The following SYNE2 variants were observed in gnomAD, a reference collection of about 807,000 sequenced individuals.
The protein encoded by SYNE2 is spectrin repeat containing nuclear envelope protein 2.
A neutral mutation model predicts 856.3 loss-of-function variants in SYNE2; 431 were observed. The ratio of observed to expected loss-of-function variants is 0.50; its 90% CI spans 0.47 to 0.55. The LOEUF (loss-of-function observed/expected upper bound fraction) is 0.55. Ranked by LOEUF, SYNE2 falls within the 20% of genes least tolerant of loss-of-function variation. SYNE2 has a pLI of 0.00. For synonymous variants in SYNE2, 2,923 were observed against 2,872.3 expected, an observed-to-expected ratio of 1.02 and a Z score of -0.56; for missense variants, 8,129 against 8,023.2, an observed-to-expected ratio of 1.01 and a Z score of -0.50.
intron 77 of SYNE2, 97 bp downstream of exon 77, chr14:64,132,535 C>T: frequency 6.7e-7 from 1 of 1,489,258 alleles, no homozygotes; most frequent in Non-Finnish European, 9.3e-7. Flanking sequence ...TATCATTAAG[C>T]TATAGTTAAA....
Position 63,991,221 on chromosome 14 carries a change from A to C in SYNE2, c.2646+106A>C. The C allele has an allele frequency of 2.6e-6, 3 of 1,145,622 alleles. No individual in the cohort carries two copies. In the South Asian group the frequency reaches 4.1e-5, roughly 16 times the overall value. The allele number at this position is 1,145,622 out of a possible 1,614,324, so 71.0% of individuals were successfully genotyped here. A position where few individuals can be genotyped will look rare whatever the true frequency, so the allele number is the denominator to read the frequency against. On this transcript the variant is annotated intron_variant, in intron 21 of 115. Transcript: ENST00000555002. ...TGTAATTATATACTGAGTTACTGTA[A>C]CTTAAAAAGAATTTCCCAGTATTCT...
chr14:63,812,239 C>T (rs1359754860), intron 1 of SYNE2, among the ~76,000 whole-genome samples: 1 of 152,094 alleles, frequency 6.6e-6, no homozygotes, highest in Non-Finnish European at 1.5e-5. Context: ...ATTAATATTC[C>T]TTGCTAGGAA....
intron 57 of SYNE2, among the ~76,000 whole-genome samples, chr14:64,085,410 G>GGT (rs2097553752): frequency 6.6e-6 from 1 of 152,160 alleles, no homozygotes; most frequent in African/African-American, 2.4e-5. Context: ...AATACCAGGA[G>GGT]GTAGGGGTCA....
At position 63,940,524 on chromosome 14, in the gene SYNE2, C is replaced by T. The variant is rs567049063; in HGVS notation, c.80-90C>T. 7.0e-5 allele frequency: 82 copies of T among 1,171,002 alleles called. No homozygotes were observed. In the African/African-American group the frequency reaches 1.1e-3, roughly 16 times the overall value. 72.5% of individuals were successfully genotyped at this position (1,171,002 alleles called of 1,614,324 possible). On this transcript the variant is annotated intron_variant, in intron 2 of 115. Transcript: ENST00000555002. ...TGTAAGCTTGTGAAACAGGCACACA[C>T]CTAGCGTGACAGACCTTTGAAGCTC...
chr14:64,220,962 A>C (rs2098691529), intron 111 of SYNE2, among the ~76,000 whole-genome samples: 1 of 152,188 alleles, frequency 6.6e-6, no homozygotes, highest in Admixed American at 6.5e-5. Context: ...CTGGCCTTGA[A>C]GCAGAGGAGC....
At chr14:64,161,889 A>T (rs2098332900) in intron 87 of SYNE2, among the ~76,000 whole-genome samples, 183 bp from the exon 88 acceptor site, 1 of 152,214 alleles carries the variant, frequency 6.6e-6, no homozygotes, top group South Asian at 2.1e-4. Context: ...TAAATAGCCT[A>T]ATTTGGATTT....
At chr14:64,035,515 ATTT>A (rs35030710) in intron 45 of SYNE2, among the ~76,000 whole-genome samples, 4 of 121,690 alleles carry the variant, frequency 3.3e-5, no homozygotes, top group African/African-American at 6.2e-5. Flanking sequence ...TACATGGTAC[ATTT>A]TTTTTTTTTT....
intron 96 of SYNE2, among the ~76,000 whole-genome samples, chr14:64,184,150 T>G (rs767925798): frequency 5.9e-5 from 9 of 152,174 alleles, no homozygotes; most frequent in Non-Finnish European, 1.2e-4. Context: ...TTTAAAGCTC[T>G]CGAGACATAC....
chr14:64,167,169 G>GT lies in SYNE2; in HGVS notation c.16606-58dup, dbSNP rs570252318. The GT allele has an allele frequency of 4.7e-5, 75 of 1,608,604 alleles. No homozygotes were observed. The South Asian group carries it at 7.4e-4, about 16-fold the overall frequency. The stretch of plus-strand genomic sequence containing the variant: ...TTCCTTTATCTTTGAGGTAAGGAGG[G>GT]TTTTTTGTCATCTAGATATCTTATT... On this transcript the variant is annotated intron_variant, in intron 90 of 115. Transcript: ENST00000555002.
At position 64,216,213 on chromosome 14, in the gene SYNE2, G is replaced by A. The variant is rs17766588; in HGVS notation, c.19403-35G>A. 2.1e-3 allele frequency: 3,325 copies of A among 1,613,430 alleles called. 7 individuals carry two copies. Among genetic ancestry groups the A allele is most frequent in the Non-Finnish European group, 2.7e-3 (3,139 of 1,180,034 alleles). ...GTCACCCGTGACCCGTTCAGTAGGAGAGAATAGACTGTCGCTTGCTGTCTT... is the reference window on the plus strand; with the variant it reads ...GTCACCCGTGACCCGTTCAGTAGGAAAGAATAGACTGTCGCTTGCTGTCTT... On this transcript the variant is annotated intron_variant, in intron 107 of 115. Coordinates refer to ENST00000555002, the MANE Select transcript of SYNE2 (RefSeq NM_182914.3).
intron 1 of SYNE2, among the ~76,000 whole-genome samples, chr14:63,876,639 C>G (rs558144784): frequency 6.6e-6 from 1 of 152,100 alleles, no homozygotes; most frequent in South Asian, 2.1e-4. Flanking sequence ...AGGCGCCCAC[C>G]ACCACGCCCG....
chr14:63,897,719 G>A (rs2153305341), intron 1 of SYNE2, among the ~76,000 whole-genome samples: 1 of 152,222 alleles, frequency 6.6e-6, no homozygotes, highest in South Asian at 2.1e-4. Flanking sequence ...TCTTTGGTTG[G>A]TTGGTTTGTG....
At chr14:64,105,106 T>C (rs1242744858) in intron 64 of SYNE2, among the ~76,000 whole-genome samples, 1 of 152,190 alleles carries the variant, frequency 6.6e-6, no homozygotes, top group East Asian at 1.9e-4. Context: ...TCTCCTCCCA[T>C]TATTTTTGCC....
Position 63,949,850 on chromosome 14 carries a change from C to A in SYNE2, c.434C>A (p.Ser145Tyr). ...ATTGAGAAGCTTGCCCAGACTCTTT[C>A]TTGCAATTACAATCAGCCTTCCCTG... is the stretch of plus-strand genomic sequence containing the variant. The part of the protein sequence containing the change: ...FHIEKLAQTL[S>Y]CNYNQPSLDD... Residue 145 changes from serine (S) to tyrosine (Y), a missense_variant, in exon 7 of 116, where the codon TCT (serine) becomes TAT (tyrosine). Ser to Tyr is a moderately radical substitution (Grantham distance 144, BLOSUM62 -2). Coordinates refer to ENST00000555002, the MANE Select transcript of SYNE2 (RefSeq NM_182914.3). The A allele has an allele frequency of 1.2e-6, 2 of 1,614,166 alleles. No individual in the cohort carries two copies. Among genetic ancestry groups the A allele is most frequent in the South Asian group, 2.2e-5 (2 of 91,082 alleles).
chr14:63,994,180 C>CTTAGG (rs2096693252), intron 22 of SYNE2, among the ~76,000 whole-genome samples: 2 of 152,064 alleles, frequency 1.3e-5, no homozygotes, highest in African/African-American at 4.8e-5. Flanking sequence ...GCAGCTATGA[C>CTTAGG]CCTGGGCAAG....
Position 64,221,724 on chromosome 14 carries a change from C to G in SYNE2, c.20190+20C>G. On this transcript the variant is annotated intron_variant, in intron 112 of 115. Transcript: ENST00000555002. ...CTAATGGTAAGTTTCCTCCCAAGGG[C>G]TCTGTACTGCCACCAGCCTCTGTCA... 2 of 1,613,090 alleles carry G rather than the reference C, an allele frequency of 1.2e-6. No homozygotes were observed. The highest frequency in any genetic ancestry group is 1.3e-5 in the African/African-American group (1 of 75,006).
intron 45 of SYNE2, among the ~76,000 whole-genome samples, chr14:64,034,255 T>C (rs1449921432): frequency 1.3e-5 from 2 of 152,338 alleles, no homozygotes; most frequent in East Asian, 3.9e-4. Flanking sequence ...ATAAGCACTT[T>C]AGTCATTAAA....
intron 87 of SYNE2, among the ~76,000 whole-genome samples, chr14:64,161,777 A>C (rs564911506): frequency 6.7e-6 from 1 of 150,132 alleles, no homozygotes; most frequent in Non-Finnish European, 1.5e-5. Flanking sequence ...TCCCTTCATC[A>C]CTCCCCTCTC....
At chr14:64,127,843 C>T (rs1359050730) in intron 73 of SYNE2, among the ~76,000 whole-genome samples, 2 of 152,208 alleles carry the variant, frequency 1.3e-5, no homozygotes, top group African/African-American at 4.8e-5. Context: ...AAACAGCACA[C>T]TGGGAGTGCA....
Sources: gnomAD v4.1 joint callset for allele counts (sites outside exome capture counted in the v4.1 genomes callset) on GRCh38, gnomAD v4.1.1 for gene constraint, MANE v1.5 for transcripts, NCBI Gene and HGNC (gene_info 2026-07-23, HGNC 2026-07-21) for gene names.